The following PIK3R6 variants were observed in gnomAD, a reference collection of about 807,000 sequenced individuals.
The protein encoded by PIK3R6 is phosphoinositide-3-kinase regulatory subunit 6.
A neutral mutation model predicts 84.9 loss-of-function variants in PIK3R6; 91 were observed. The ratio of observed to expected loss-of-function variants is 1.07; its 90% CI spans 0.90 to 1.28. The LOEUF (loss-of-function observed/expected upper bound fraction) is 1.28, where lower values mean the gene tolerates loss of function less well. PIK3R6 is among the 50% of genes most tolerant of loss of function. PIK3R6 has a pLI of 0.00. For missense variants in PIK3R6, 996 were observed against 985.1 expected, an observed-to-expected ratio of 1.01 and a Z score of -0.15; for synonymous variants, 416 against 411.4, an observed-to-expected ratio of 1.01 and a Z score of -0.13.
intron 10 of PIK3R6, 112 bp downstream of exon 10, chr17:8,829,572 ACACAGACACACTGACACACACT>A: frequency 1.1e-6 from 1 of 941,702 alleles, no homozygotes; most frequent in African/African-American, 1.7e-5. Context: ...ACACATACAC[ACACAGACACACTGACACACACT>A]CATGCATACA....
intron 10 of PIK3R6, among the ~76,000 whole-genome samples, chr17:8,829,409 CACAG>C (rs776635533): frequency 0.013 from 2,028 of 151,250 alleles, 25 homozygotes; most frequent in Non-Finnish European, 0.019. Context: ...CACACATACA[CACAG>C]ACACACTGAC....
chr17:8,848,013 T>C (rs1197943641), intron 2 of PIK3R6, among the ~76,000 whole-genome samples: 1 of 152,146 alleles, frequency 6.6e-6, no homozygotes, highest in Non-Finnish European at 1.5e-5. Flanking sequence ...AGCCTTGGTG[T>C]GGGCACAGGA....
In PIK3R6 at chr17:8,828,594, C is replaced by A; in HGVS notation, c.1286G>T (p.Arg429Leu). ...LVLGDDRMLG[R>L]LAQAYHRLRK... ...GAGTCTGTGGTAGGCCTGGGCCAGG[C>A]GCCCCAGCATCCTGTCATCTCCGAG... The change falls in exon 11 of 20, where the codon CGC becomes CTC. Residue 429 changes from arginine (R) to leucine (L), a missense_variant. By Grantham distance (102) the Arg-to-Leu change is moderately radical. Transcript: ENST00000619866. 1 of 1,612,966 alleles carries A rather than the reference C, an allele frequency of 6.2e-7. No homozygotes were observed. The highest frequency in any genetic ancestry group is 8.5e-7 in the Non-Finnish European group (1 of 1,179,620).
At chr17:8,864,609 C>T (rs1203101072) in intron 1 of PIK3R6, among the ~76,000 whole-genome samples, 1 of 133,718 alleles carries the variant, frequency 7.5e-6, no homozygotes. Context: ...GCAATCTCGT[C>T]TCACTGCAAC....
chr17:8,830,567 C>G, intron 9 of PIK3R6, among the ~76,000 whole-genome samples: 1 of 152,194 alleles, frequency 6.6e-6, no homozygotes, highest in East Asian at 1.9e-4. Context: ...AGGCCTTATT[C>G]TACTCACCTG....
At chr17:8,857,815 G>T (rs567564336) in intron 1 of PIK3R6, among the ~76,000 whole-genome samples, 84 of 151,320 alleles carry the variant, frequency 5.6e-4, no homozygotes, top group Admixed American at 9.9e-4. Context: ...CAGGAGAATC[G>T]CTTGAATCCG....
intron 8 of PIK3R6, among the ~76,000 whole-genome samples, chr17:8,834,550 A>ACT (rs777033794): frequency 5.0e-4 from 73 of 146,570 alleles, no homozygotes; most frequent in African/African-American, 1.8e-3. Context: ...TGCGTCTGGT[A>ACT]TTTTTTTTTT....
At chr17:8,832,759 C>G in intron 9 of PIK3R6, 130 bp downstream of exon 9, 1 of 1,424,880 alleles carries the variant, frequency 7.0e-7, no homozygotes. Context: ...CCCCCAGTCC[C>G]CAGGCTCCTG....
intron 2 of PIK3R6, among the ~76,000 whole-genome samples, chr17:8,849,572 T>C (rs1004704164): frequency 6.6e-6 from 1 of 152,278 alleles, no homozygotes; most frequent in African/African-American, 2.4e-5. Context: ...TCAAGCTCAG[T>C]GTCCAGCGAG....
intron 1 of PIK3R6, among the ~76,000 whole-genome samples, chr17:8,861,676 T>G (rs2089290437): frequency 3.3e-5 from 5 of 152,194 alleles, no homozygotes; most frequent in Admixed American, 2.6e-4. Context: ...GGTATCACAG[T>G]GCTTGTGTTC....
rs190004123 is a variant in PIK3R6, at chr17:8,847,043, G to A, written c.13+2739C>T. 3.4e-3 allele frequency among the ~76,000 whole-genome samples: 518 copies of A among 152,246 alleles called. 3 individuals carry two copies. The highest frequency in any genetic ancestry group is 0.011 in the African/African-American group (464 of 41,544). On this transcript the variant is annotated intron_variant, in intron 2 of 19. Coordinates refer to ENST00000619866, the MANE Select transcript of PIK3R6 (RefSeq NM_001010855.4). ...TTGTCTTAATCCTCTGACATTTGGGGCCATTTGCTAAAGCAGCTACTATTC... is the reference window on the plus strand; with the variant it reads ...TTGTCTTAATCCTCTGACATTTGGGACCATTTGCTAAAGCAGCTACTATTC...
In PIK3R6 at chr17:8,827,233, T is replaced by A. The variant is rs1457719535; in HGVS notation, c.1454A>T (p.Asp485Val). The A allele has an allele frequency of 1.9e-6, 3 of 1,599,470 alleles. No individual in the cohort carries two copies. Among genetic ancestry groups the A allele is most frequent in the Non-Finnish European group, 1.7e-6 (2 of 1,173,420 alleles). Residue 485 changes from aspartate to valine, a missense_variant, in exon 13 of 20, where the codon GAC (aspartate) becomes GTC (valine). Coordinates refer to ENST00000619866, the MANE Select transcript of PIK3R6 (RefSeq NM_001010855.4). ...GTTGACGTTGCTCTGGTACCACGGG[T>A]CTACGCGGCCCAGGAACGTAGCCAG... ...GELATFLGRV[D>V]PWYQSNVNTL... is the part of the protein sequence containing the mutation.
chr17:8,830,231 T>TTC (rs1254535714), intron 9 of PIK3R6, among the ~76,000 whole-genome samples: 2 of 152,186 alleles, frequency 1.3e-5, no homozygotes, highest in Non-Finnish European at 2.9e-5. Flanking sequence ...AGACACTCAG[T>TTC]TAACATTTGC....
At chr17:8,834,450 A>G (rs2088380940) in intron 8 of PIK3R6, among the ~76,000 whole-genome samples, 1 of 152,148 alleles carries the variant, frequency 6.6e-6, no homozygotes, top group African/African-American at 2.4e-5. Context: ...GCTAGAGTGC[A>G]GTGGTACAGT....
At position 8,804,052 on chromosome 17, in the gene PIK3R6, C is replaced by T; in HGVS notation, c.2097G>A (p.Arg699=). The part of the protein sequence containing the change: ...SLDKDDQRTF[R]DVVRFEVAPC... Reference sequence around the variant, plus strand: ...AGGCCCAGCCTCACCTGACCACATCCCTGAAAGTGCGTTGATCGTCCTTGT... The same window carrying T: ...AGGCCCAGCCTCACCTGACCACATCTCTGAAAGTGCGTTGATCGTCCTTGT... The change falls in exon 19 of 20, where the codon AGG becomes AGA. Residue 699 remains arginine (R), a synonymous_variant. Coordinates refer to ENST00000619866, the MANE Select transcript of PIK3R6 (RefSeq NM_001010855.4). 1 of 1,613,832 alleles carries T rather than the reference C, an allele frequency of 6.2e-7. No homozygotes were observed. The highest frequency in any genetic ancestry group is 8.5e-7 in the Non-Finnish European group (1 of 1,179,710).
At chr17:8,850,300 CA>C (rs753799544) in intron 1 of PIK3R6, among the ~76,000 whole-genome samples, 1,166 of 63,376 alleles carry the variant, frequency 0.018, 13 homozygotes, top group African/African-American at 0.039. Flanking sequence ...GAGACTGGCT[CA>C]AAAAAAAAAA....
chr17:8,828,800 C>T lies in PIK3R6; in HGVS notation c.1080G>A (p.Glu360=), dbSNP rs1322136104. ...TGCGCTGCAGCCCGGCTCGCTCCAT[C>T]TCAGGGCTGCCGGGTGCAGGCAGCT... is the stretch of plus-strand genomic sequence containing the variant. ...ADELPAPGSP[E]MERAGLQRKG... The change falls in exon 11 of 20, where the codon GAG becomes GAA. Residue 360 remains glutamate, a synonymous_variant. Transcript: ENST00000619866. 1.9e-6 allele frequency: 3 copies of T among 1,588,332 alleles called. No individual in the cohort carries two copies. Among genetic ancestry groups the T allele is most frequent in the Admixed American group, 3.5e-5 (2 of 57,040 alleles).
Position 8,844,552 on chromosome 17 carries a change from C to T in PIK3R6, c.14-4855G>A, listed in dbSNP as rs1356733671. 6.6e-6 allele frequency among the ~76,000 whole-genome samples: 1 copy of T among 152,100 alleles called. No homozygotes were observed. Among genetic ancestry groups the T allele is most frequent in the South Asian group, 2.1e-4 (1 of 4,830 alleles). ...TGGCATCCATTATTATTATCCTCCT[C>T]TGCATCCAGGAATGTGGGATATTAC... On this transcript the variant is annotated intron_variant, in intron 2 of 19. Transcript: ENST00000619866. The surrounding 1 kb of genome is among the most constrained non-coding windows in gnomAD (Gnocchi z 4.5).
At chr17:8,853,223 C>T (rs941038876) in intron 1 of PIK3R6, among the ~76,000 whole-genome samples, 5 of 151,700 alleles carry the variant, frequency 3.3e-5, no homozygotes, top group East Asian at 1.9e-4. Flanking sequence ...CAGTAGCTCA[C>T]GCCTGTAATC....
Sources: allele counts gnomAD v4.1 joint callset (sites outside exome capture counted in the v4.1 genomes callset), GRCh38; gene constraint gnomAD v4.1.1; non-coding constraint Gnocchi (gnomAD v3.1); transcripts MANE v1.5; gene names NCBI Gene and HGNC (gene_info 2026-07-23, HGNC 2026-07-21).